The following CELF2 variants were observed in gnomAD, a reference collection of about 807,000 sequenced individuals.
The protein encoded by CELF2 is CUGBP Elav-like family member 2.
CELF2 carries 8 observed loss-of-function variants against 62.6 expected under a neutral mutation model. The observed-to-expected ratio is 0.13, with a 90% CI of 0.07 to 0.23. The LOEUF (loss-of-function observed/expected upper bound fraction) is 0.23, where lower values mean the gene tolerates loss of function less well. CELF2 is among the 10% of genes least tolerant of loss of function. The pLI is 1.00. For missense variants in CELF2, 333 were observed against 671.0 expected (o/e 0.50, Z 5.56); for synonymous variants, 258 against 250.0 (o/e 1.03, Z -0.30).
chr10:11,034,022 G>C (rs1425241083), intron 1 of CELF2, among the ~76,000 whole-genome samples: 1 of 152,158 alleles, frequency 6.6e-6, no homozygotes, highest in African/African-American at 2.4e-5. Flanking sequence ...CAAATATTTA[G>C]TCTCTAAGTC....
chr10:10,576,505 G>A, the CELF2 span, among the ~76,000 whole-genome samples: 7 of 152,212 alleles, frequency 4.6e-5, no homozygotes, highest in African/African-American at 1.4e-4. Context: ...AGAAAGAAGA[G>A]TCTACTTTAA....
chr10:10,833,594 G>C (rs993769587), intron 1 of CELF2, among the ~76,000 whole-genome samples: 1 of 152,134 alleles, frequency 6.6e-6, no homozygotes, highest in Non-Finnish European at 1.5e-5. Flanking sequence ...GTGATGATGC[G>C]AACAGTGCGT....
intron 2 of CELF2, among the ~76,000 whole-genome samples, chr10:11,180,249 G>A (rs17149711): frequency 0.015 from 2,280 of 152,230 alleles, 52 homozygotes; most frequent in African/African-American, 0.05. Flanking sequence ...CCCAGAAAGC[G>A]GCAACAAGAG....
At chr10:11,301,831 C>T (rs2093781457) in intron 9 of CELF2, among the ~76,000 whole-genome samples, 1 of 151,944 alleles carries the variant, frequency 6.6e-6, no homozygotes, top group Non-Finnish European at 1.5e-5. Context: ...GCCACAGGCT[C>T]ACCCATGTCG....
chr10:10,698,555 G>A, the CELF2 span, among the ~76,000 whole-genome samples: 14 of 152,008 alleles, frequency 9.2e-5, no homozygotes, highest in East Asian at 1.9e-4. Flanking sequence ...TCCAAACCAC[G>A]GATCACCTAC....
At chr10:11,015,198 T>A (rs1261616953), upstream of CELF2, among the ~76,000 whole-genome samples, 1 of 152,154 alleles carries the variant, frequency 6.6e-6, no homozygotes, top group Non-Finnish European at 1.5e-5. This position sits in a 1 kb window ranked among gnomAD's most constrained non-coding sequence, Gnocchi z 4.8. Flanking sequence ...TGTTGAGTTG[T>A]TTTTAGATTT....
the CELF2 span, among the ~76,000 whole-genome samples, chr10:10,469,663 G>C: frequency 4.6e-5 from 7 of 151,876 alleles, no homozygotes; most frequent in Admixed American, 3.3e-4. Flanking sequence ...TCATAAAATT[G>C]GTTGGGAAGT....
At chr10:10,979,748 G>C (rs528269261) in intron 2 of CELF2, among the ~76,000 whole-genome samples, 5 of 151,236 alleles carry the variant, frequency 3.3e-5, no homozygotes, top group Admixed American at 3.3e-4. Context: ...TCTAAGGAGC[G>C]AATCAAAGTT....
intron 1 of CELF2, among the ~76,000 whole-genome samples, chr10:11,139,153 T>C (rs2060897869): frequency 6.6e-6 from 1 of 152,208 alleles, no homozygotes; most frequent in Non-Finnish European, 1.5e-5. Flanking sequence ...ACAGTAATGC[T>C]CTGGAGAATG....
chr10:11,258,813 A>G (rs2079575002), intron 5 of CELF2, among the ~76,000 whole-genome samples: 1 of 152,168 alleles, frequency 6.6e-6, no homozygotes, highest in Admixed American at 6.5e-5. Flanking sequence ...CAGCCTCCCG[A>G]GGAGCTGGGA....
chr10:10,532,351 C>T, the CELF2 span, among the ~76,000 whole-genome samples: 4 of 152,202 alleles, frequency 2.6e-5, no homozygotes, highest in Non-Finnish European at 4.4e-5. Context: ...TGATGATTGA[C>T]AGGGAGGAAC....
chr10:10,660,625 G>A, the CELF2 span, among the ~76,000 whole-genome samples: 27 of 152,334 alleles, frequency 1.8e-4, no homozygotes, highest in East Asian at 3.5e-3. Flanking sequence ...CTTCAAGGCT[G>A]AGACAGCATT....
In CELF2 at chr10:11,085,363, T is replaced by A. The variant is rs2046412462; in HGVS notation, c.74+67200T>A. Among the ~76,000 whole-genome samples, 4 of 152,222 alleles carry A rather than the reference T, an allele frequency of 2.6e-5. No homozygotes were observed. In the South Asian group the frequency reaches 6.2e-4, roughly 24 times the overall value. ...TTGATGTTCACCTTTTATACCATAA[T>A]CCTGTTCATTGAAAAACATGGGGTA... is the stretch of plus-strand genomic sequence containing the variant. On this transcript the variant is annotated intron_variant, in intron 1 of 12. Transcript: ENST00000633077.
At chr10:10,939,608 A>C (rs566538283) in intron 2 of CELF2, among the ~76,000 whole-genome samples, 5 of 151,982 alleles carry the variant, frequency 3.3e-5, no homozygotes, top group African/African-American at 1.2e-4. Context: ...ATTCTTAATA[A>C]GTGTTTATTC....
chr10:11,216,374 T>C (rs2063365299), intron 2 of CELF2, among the ~76,000 whole-genome samples: 1 of 152,220 alleles, frequency 6.6e-6, no homozygotes, highest in South Asian at 2.1e-4. Flanking sequence ...GTGCGTTATG[T>C]TCCTTTAATA....
chr10:10,845,765 T>G (rs565662741), intron 1 of CELF2, among the ~76,000 whole-genome samples: 1 of 152,310 alleles, frequency 6.6e-6, no homozygotes, highest in Admixed American at 6.5e-5. Context: ...AAATAAGATC[T>G]GAGCACTTTC....
chr10:10,849,652 A>C (rs1050869076), intron 1 of CELF2, among the ~76,000 whole-genome samples: 1 of 152,164 alleles, frequency 6.6e-6, no homozygotes, highest in African/African-American at 2.4e-5. Context: ...CAATTATCAA[A>C]ATCAGGAAAT....
the CELF2 span, among the ~76,000 whole-genome samples, chr10:10,735,669 C>G: frequency 6.6e-6 from 1 of 152,288 alleles, no homozygotes; most frequent in African/African-American, 2.4e-5. Flanking sequence ...AAAGAAGTAG[C>G]TTCTTATTTT....
At chr10:10,558,525 G>A in the CELF2 span, among the ~76,000 whole-genome samples, 1 of 151,976 alleles carries the variant, frequency 6.6e-6, no homozygotes, top group Non-Finnish European at 1.5e-5. Flanking sequence ...GCCCGGCTTT[G>A]GTATCAGAAT....
Sources: allele counts gnomAD v4.1 joint callset (sites outside exome capture counted in the v4.1 genomes callset), GRCh38; gene constraint gnomAD v4.1.1; non-coding constraint Gnocchi (gnomAD v3.1); transcripts MANE v1.5; gene names NCBI Gene and HGNC (gene_info 2026-07-23, HGNC 2026-07-21).